PPM1L: variants seen among roughly 807,000 people sequenced by gnomAD.
PPM1L encodes the protein protein phosphatase, Mg2+/Mn2+ dependent 1L, also known as protein phosphatase 1L.
PPM1L carries 13 observed loss-of-function variants against 31.4 expected under a neutral mutation model. The observed-to-expected ratio is 0.41, with a 90% confidence interval of 0.27 to 0.66. PPM1L has a LOEUF of 0.66. Among genes scored for constraint, PPM1L ranks in the 30% least tolerant of loss-of-function variants. PPM1L has a pLI of 0.29. For missense variants in PPM1L, 326 were observed against 453.7 expected, an observed-to-expected ratio of 0.72 and a Z score of 2.56; for synonymous variants, 184 against 175.4, an observed-to-expected ratio of 1.05 and a Z score of -0.39.
chr3:160,926,134 G>A (rs578215370), intron 1 of PPM1L, among the ~76,000 whole-genome samples: 1 of 152,254 alleles, frequency 6.6e-6, no homozygotes, highest in South Asian at 2.1e-4. Context: ...CAGAAAGTCT[G>A]GTTGTATACC....
intron 1 of PPM1L, among the ~76,000 whole-genome samples, chr3:160,940,348 T>TA (rs1294805049): frequency 6.6e-6 from 1 of 152,202 alleles, no homozygotes; most frequent in African/African-American, 2.4e-5. Context: ...GCAAGGAGCC[T>TA]AATGTTCATC....
At position 160,972,553 on chromosome 3, in the gene PPM1L, C is replaced by T. The variant is rs1288559422; in HGVS notation, c.574+10643C>T. On this transcript the variant is annotated intron_variant, in intron 2 of 3. Transcript: ENST00000498165. The stretch of plus-strand genomic sequence containing the variant: ...CTCATCATTTTTTATGGCTGCATAG[C>T]ATTCCATGGTGTATATGTGCCACAT... 1.9e-3 allele frequency among the ~76,000 whole-genome samples: 284 copies of T among 152,124 alleles called. 1 individual carries two copies. Among genetic ancestry groups the T allele is most frequent in the African/African-American group, 6.6e-3 (273 of 41,446 alleles).
intron 1 of PPM1L, among the ~76,000 whole-genome samples, chr3:160,892,481 A>G (rs371880152): frequency 9.1e-4 from 139 of 152,272 alleles, no homozygotes; most frequent in African/African-American, 3.2e-3. Context: ...AAATTTCAAC[A>G]TGAGATTTGG....
intron 1 of PPM1L, among the ~76,000 whole-genome samples, chr3:160,816,776 C>A (rs1560115580): frequency 6.6e-6 from 1 of 152,030 alleles, no homozygotes; most frequent in South Asian, 2.1e-4. Flanking sequence ...AGGCCCCCAT[C>A]ATAAGATTTG....
At chr3:160,797,605 A>G (rs1712297181) in intron 1 of PPM1L, among the ~76,000 whole-genome samples, 1 of 152,272 alleles carries the variant, frequency 6.6e-6, no homozygotes, top group Admixed American at 6.5e-5. Flanking sequence ...AATGCAAAAG[A>G]AAAGTTCTTG....
intron 1 of PPM1L, among the ~76,000 whole-genome samples, chr3:160,824,927 A>G (rs561867155): frequency 4.6e-5 from 7 of 151,940 alleles, no homozygotes; most frequent in South Asian, 2.1e-4. Flanking sequence ...TGTTTTTGCA[A>G]TTCTTCCTTT....
chr3:160,818,857 A>G (rs1713072614), intron 1 of PPM1L, among the ~76,000 whole-genome samples: 1 of 151,878 alleles, frequency 6.6e-6, no homozygotes. Flanking sequence ...ATGTTTTGGG[A>G]CAAGCAAAAA....
At chr3:161,014,326 C>T (rs1274563973) in intron 2 of PPM1L, among the ~76,000 whole-genome samples, 4 of 152,130 alleles carry the variant, frequency 2.6e-5, no homozygotes, top group African/African-American at 7.2e-5. Context: ...TATTCAAATA[C>T]AATATATCAT....
chr3:160,809,062 G>C (rs1712729150), intron 1 of PPM1L, among the ~76,000 whole-genome samples: 1 of 152,198 alleles, frequency 6.6e-6, no homozygotes, highest in Non-Finnish European at 1.5e-5. Flanking sequence ...ATGTCACTGT[G>C]CCTGGCACCA....
Position 161,030,224 on chromosome 3 carries a change from A to T in PPM1L, c.575-35179A>T, listed in dbSNP as rs550517308. Among the ~76,000 whole-genome samples the T allele has an allele frequency of 3.9e-5, 6 of 152,334 alleles. No individual in the cohort carries two copies. In the South Asian group the frequency reaches 1.2e-3, roughly 32 times the overall value. ...TAGGGCCTTTAGGAGACGATTAAGG[A>T]TTAGTGACCTTATGAAAGAGGTTGA... On this transcript the variant is annotated intron_variant, in intron 2 of 3. Transcript: ENST00000498165.
At chr3:160,821,406 C>G (rs558999853) in intron 1 of PPM1L, among the ~76,000 whole-genome samples, 1 of 151,890 alleles carries the variant, frequency 6.6e-6, no homozygotes, top group African/African-American at 2.4e-5. Context: ...CTGCCTAACC[C>G]TAGTCATATT....
chr3:160,980,448 C>T (rs1356234690), intron 2 of PPM1L, among the ~76,000 whole-genome samples: 9 of 151,828 alleles, frequency 5.9e-5, no homozygotes, highest in East Asian at 3.9e-4. Flanking sequence ...AGGCGTAGGA[C>T]GGGGGATTGC....
intron 1 of PPM1L, among the ~76,000 whole-genome samples, chr3:160,851,544 A>G (rs922508528): frequency 2.0e-5 from 3 of 152,252 alleles, no homozygotes; most frequent in African/African-American, 7.2e-5. Flanking sequence ...ATCTTCGTAG[A>G]GAAAGTAAAC....
intron 2 of PPM1L, among the ~76,000 whole-genome samples, chr3:160,983,017 A>G (rs1048466498): frequency 7.2e-5 from 11 of 152,334 alleles, no homozygotes; most frequent in Admixed American, 2.0e-4. Flanking sequence ...GGTGAATTCA[A>G]TCTGAGATTA....
At position 161,022,448 on chromosome 3, in the gene PPM1L, G is replaced by A. The variant is rs571254443; in HGVS notation, c.575-42955G>A. 4 of 285,110 alleles carry A rather than the reference G, an allele frequency of 1.4e-5. No homozygotes were observed. The South Asian group carries it at 6.1e-4, about 44-fold the overall frequency. The allele number at this position is 285,110 out of a possible 1,614,324, so 17.7% of individuals were successfully genotyped here. The stretch of plus-strand genomic sequence containing the variant: ...ATAATTCTTTTTAAATTAAAATCCT[G>A]CTTCTGTAAAAAAATACATTTCTAT... On this transcript the variant is annotated intron_variant, in intron 2 of 3. Transcript: ENST00000498165.
intron 1 of PPM1L, among the ~76,000 whole-genome samples, chr3:160,956,813 A>G (rs996545993): frequency 6.6e-6 from 1 of 152,250 alleles, no homozygotes; most frequent in South Asian, 2.1e-4. Flanking sequence ...TTGTGAAAGG[A>G]AGATCTGTAT....
At chr3:160,924,721 A>G (rs1217510496) in intron 1 of PPM1L, among the ~76,000 whole-genome samples, 1 of 152,228 alleles carries the variant, frequency 6.6e-6, no homozygotes, top group East Asian at 1.9e-4. Flanking sequence ...ATAGTACCTC[A>G]TGGCCTATCA....
In PPM1L at chr3:160,759,166, A is replaced by G. The variant is rs377493462; in HGVS notation, c.399+2459A>G. Reference sequence around the variant, plus strand: ...GTGCCACTGTTTGATTTTAGTATAGATGATGTTAGCTCCTGTCACAGAAGA... The same window carrying G: ...GTGCCACTGTTTGATTTTAGTATAGGTGATGTTAGCTCCTGTCACAGAAGA... On this transcript the variant is annotated intron_variant, in intron 1 of 3. Transcript: ENST00000498165. 1.4e-3 allele frequency among the ~76,000 whole-genome samples: 214 copies of G among 152,244 alleles called. 4 individuals are homozygous for G. In the South Asian group the frequency reaches 0.042, roughly 30 times the overall value.
chr3:160,766,896 A>G (rs1467446429), intron 1 of PPM1L, among the ~76,000 whole-genome samples: 1 of 147,662 alleles, frequency 6.8e-6, no homozygotes, highest in Non-Finnish European at 1.5e-5. Context: ...TTCCATTCCT[A>G]GAAGACAAGA....
Sources: gnomAD v4.1 joint callset for allele counts (sites outside exome capture counted in the v4.1 genomes callset) on GRCh38, gnomAD v4.1.1 for gene constraint, MANE v1.5 for transcripts, NCBI Gene and HGNC (gene_info 2026-07-23, HGNC 2026-07-21) for gene names.